The following ASAP1 variants were observed in gnomAD, a reference collection of about 807,000 sequenced individuals.
ASAP1 encodes the protein arf-GAP with SH3 domain, ANK repeat and PH domain-containing protein 1.
In ASAP1, 43 loss-of-function variants were observed where a neutral mutation model predicts 145.2. The observed-to-expected ratio is 0.30, with a 90% confidence interval of 0.23 to 0.38. The LOEUF (loss-of-function observed/expected upper bound fraction) is 0.38. Among genes scored for constraint, ASAP1 ranks in the 10% least tolerant of loss-of-function variants. The pLI, the probability that ASAP1 is intolerant of heterozygous loss-of-function variation, is 1.00. For missense variants in ASAP1, 1,018 were observed against 1,355.3 expected, an observed-to-expected ratio of 0.75 and a Z score of 3.91; for synonymous variants, 546 against 515.5, an observed-to-expected ratio of 1.06 and a Z score of -0.80.
At position 130,396,407 on chromosome 8, in the gene ASAP1, C is replaced by G. The variant is rs1477464750; in HGVS notation, c.59+5478G>C. Among the ~76,000 whole-genome samples, 4 of 152,252 alleles carry G rather than the reference C, an allele frequency of 2.6e-5. No individual in the cohort carries two copies. The East Asian group carries it at 7.7e-4, about 29-fold the overall frequency. On this transcript the variant is annotated intron_variant, in intron 2 of 29. Coordinates refer to ENST00000518721, the MANE Select transcript of ASAP1 (RefSeq NM_018482.4). ...ATGAAGGGAGGGAGGAAGACAAGAC[C>G]AGCATCATCACTTCCCATCTCTCAG...
intron 28 of ASAP1, among the ~76,000 whole-genome samples, chr8:130,060,371 A>G (rs934589472): frequency 6.6e-6 from 1 of 152,312 alleles, no homozygotes; most frequent in African/African-American, 2.4e-5. Context: ...CAGGCACTGA[A>G]GCCAGGTCTT....
intron 2 of ASAP1, among the ~76,000 whole-genome samples, chr8:130,394,229 G>A (rs546922171): frequency 1.3e-5 from 2 of 152,278 alleles, no homozygotes; most frequent in African/African-American, 4.8e-5. Context: ...AAGCAAATGG[G>A]AGAAATATCG....
chr8:130,441,779 A>G (rs941731506), intron 1 of ASAP1, among the ~76,000 whole-genome samples: 1 of 152,208 alleles, frequency 6.6e-6, no homozygotes, highest in African/African-American at 2.4e-5. Flanking sequence ...AAGCTTGCGA[A>G]AAGTCCTTTC....
chr8:130,412,912 A>G (rs1234920983), intron 1 of ASAP1, among the ~76,000 whole-genome samples: 1 of 152,180 alleles, frequency 6.6e-6, no homozygotes, highest in African/African-American at 2.4e-5. Flanking sequence ...CCAAAGTGTG[A>G]GGATTACAGG....
intron 1 of ASAP1, among the ~76,000 whole-genome samples, chr8:130,425,239 G>A (rs1829872491): frequency 6.6e-6 from 1 of 151,834 alleles, no homozygotes; most frequent in African/African-American, 2.4e-5. Flanking sequence ...GGCTGAGGAA[G>A]GAGAATCACT....
intron 2 of ASAP1, among the ~76,000 whole-genome samples, chr8:130,394,977 A>G (rs1223740920): frequency 1.3e-5 from 2 of 152,218 alleles, no homozygotes; most frequent in African/African-American, 2.4e-5. Context: ...CAGCTTTCCA[A>G]TCAAGGTATT....
chr8:130,234,593 T>C (rs994717790), intron 4 of ASAP1, among the ~76,000 whole-genome samples: 6 of 152,042 alleles, frequency 3.9e-5, no homozygotes, highest in African/African-American at 4.8e-5. Context: ...AAGAAGCATA[T>C]CCCCCAGTAG....
intron 25 of ASAP1, among the ~76,000 whole-genome samples, chr8:130,087,522 T>TA (rs982499084): frequency 6.6e-6 from 1 of 150,752 alleles, no homozygotes; most frequent in African/African-American, 2.4e-5. Flanking sequence ...TGTTTCGAAA[T>TA]AAAAAAAAGA....
intron 2 of ASAP1, among the ~76,000 whole-genome samples, chr8:130,395,226 GA>G (rs1185532955): frequency 1.3e-5 from 2 of 152,200 alleles, no homozygotes; most frequent in Non-Finnish European, 2.9e-5. Context: ...GAAAGAAAGG[GA>G]AGGCAACAAC....
At chr8:130,114,667 G>A (rs1471850308) in intron 23 of ASAP1, among the ~76,000 whole-genome samples, 2 of 151,886 alleles carry the variant, frequency 1.3e-5, no homozygotes, top group Non-Finnish European at 1.5e-5. Flanking sequence ...TCCCCATTGA[G>A]TATGCAGTGT....
intron 3 of ASAP1, chr8:130,341,081 C>A (rs182162064): frequency 6.7e-5 from 24 of 358,186 alleles, no homozygotes; most frequent in African/African-American, 4.7e-4. Context: ...AGGGTGCTTA[C>A]AGATCAAATT....
chr8:130,072,824 T>TGTGTGTGCGTGTGCGCGCGC, intron 27 of ASAP1, among the ~76,000 whole-genome samples: 1 of 32,314 alleles, frequency 3.1e-5, no homozygotes, highest in Non-Finnish European at 5.7e-5. Flanking sequence ...TGTGTGTGTG[T>TGTGTGTGCGTGTGCGCGCGC]GCGCGCGGGG....
chr8:130,368,313 C>G (rs991433053), intron 2 of ASAP1, among the ~76,000 whole-genome samples: 1 of 152,262 alleles, frequency 6.6e-6, no homozygotes, highest in Non-Finnish European at 1.5e-5. Context: ...GAATAAACTA[C>G]TTTTCTCCCG....
chr8:130,396,515 C>T (rs1264201394), intron 2 of ASAP1, among the ~76,000 whole-genome samples: 1 of 152,236 alleles, frequency 6.6e-6, no homozygotes, highest in African/African-American at 2.4e-5. Context: ...TTTAAATAGA[C>T]TCAATTATTT....
chr8:130,357,561 C>T (rs954195557), intron 3 of ASAP1, among the ~76,000 whole-genome samples: 5 of 152,372 alleles, frequency 3.3e-5, no homozygotes, highest in East Asian at 1.9e-4. Flanking sequence ...TCCGCAGCTA[C>T]GCCTGCCTGG....
intron 1 of ASAP1, among the ~76,000 whole-genome samples, chr8:130,423,691 G>C (rs762378375): frequency 6.6e-6 from 1 of 152,176 alleles, no homozygotes; most frequent in Non-Finnish European, 1.5e-5. Flanking sequence ...GTCACTGTTC[G>C]CAAAAACTAT....
intron 23 of ASAP1, 151 bp from the exon 24 acceptor site, chr8:130,112,473 A>G (rs2097548501): frequency 1.6e-6 from 1 of 615,726 alleles, no homozygotes; most frequent in Non-Finnish European, 2.9e-6. Flanking sequence ...CATGATGCTG[A>G]CACAGTACAA....
chr8:130,429,541 G>C lies in ASAP1; in HGVS notation c.-28+13919C>G, dbSNP rs180824697. ...AAGCCAAGTTAGGACCCACACCTAA[G>C]TCCAGGATCCAAACTCTTACCAGCC... On this transcript the variant is annotated intron_variant, in intron 1 of 29. Coordinates refer to ENST00000518721, the MANE Select transcript of ASAP1 (RefSeq NM_018482.4). Among the ~76,000 whole-genome samples the C allele has an allele frequency of 3.9e-5, 6 of 152,316 alleles. No homozygotes were observed. In the South Asian group the frequency reaches 1.0e-3, roughly 26 times the overall value.
At chr8:130,366,886 CTTTT>C (rs905755447) in intron 2 of ASAP1, among the ~76,000 whole-genome samples, 3 of 99,194 alleles carry the variant, frequency 3.0e-5, no homozygotes, top group South Asian at 4.4e-4. Context: ...TGCTAGATTC[CTTTT>C]TTTTTTTTTT....
Sources: gnomAD v4.1 joint callset for allele counts (sites outside exome capture counted in the v4.1 genomes callset) on GRCh38, gnomAD v4.1.1 for gene constraint, MANE v1.5 for transcripts, NCBI Gene and HGNC (gene_info 2026-07-23, HGNC 2026-07-21) for gene names.